The following LYST variants were observed in gnomAD, a reference collection of about 807,000 sequenced individuals.
LYST encodes the protein lysosomal-trafficking regulator.
Under a neutral mutation model 413.6 loss-of-function variants are expected in LYST, and 192 were observed. The ratio of observed to expected loss-of-function variants is 0.46; its 90% confidence interval spans 0.41 to 0.52. The LOEUF (loss-of-function observed/expected upper bound fraction) is 0.52. LYST is among the 20% of genes least tolerant of loss of function. The pLI is 0.00. For synonymous variants in LYST, 1,525 were observed against 1,567.3 expected (o/e 0.97, Z 0.64); for missense variants, 3,815 against 4,499.9 (o/e 0.85, Z 4.35).
intron 1 of LYST, among the ~76,000 whole-genome samples, chr1:235,857,965 A>G (rs1429494663): frequency 2.6e-5 from 4 of 152,240 alleles, no homozygotes; most frequent in African/African-American, 9.6e-5. Flanking sequence ...CATTATAGCT[A>G]TATTTATAGT....
chr1:235,824,200 C>T (rs1367590163), intron 3 of LYST, among the ~76,000 whole-genome samples: 1 of 152,092 alleles, frequency 6.6e-6, no homozygotes, highest in Non-Finnish European at 1.5e-5. Context: ...AATGTACAAC[C>T]CTCTTTGGTA....
intron 39 of LYST, among the ~76,000 whole-genome samples, chr1:235,722,075 T>C (rs1182515380): frequency 6.6e-6 from 1 of 152,100 alleles, no homozygotes. Context: ...AAGCAAATCA[T>C]TAGGATTTCT....
Position 235,806,733 on chromosome 1 carries a change from A to G in LYST, c.2403T>C (p.Ser801=). The G allele has an allele frequency of 6.2e-7, 1 of 1,613,264 alleles. No homozygotes were observed. The highest frequency in any genetic ancestry group is 8.5e-7 in the Non-Finnish European group (1 of 1,179,306). The change falls in exon 6 of 53, where the codon AGT becomes AGC. Residue 801 remains serine (S), a synonymous_variant. Transcript: ENST00000389793. ...TTAAGCAATTTAATTCGATTATTTGACTTACTCCATTACAACTCAAAAACA... is the reference window on the plus strand; with the variant it reads ...TTAAGCAATTTAATTCGATTATTTGGCTTACTCCATTACAACTCAAAAACA... ...RDLFLSCNGV[S]QIIELNCLNG...
In LYST at chr1:235,809,620, G is replaced by T; in HGVS notation, c.1198C>A (p.Leu400Ile). ...VFSKYRHRAL[L>I]LPELLEGVLQ... ...ACTCCTTCCAAAAGCTCAGGTAAAA[G>T]AAGGGCTCTATGACGATACTTTGAA... Residue 400 changes from leucine (L) to isoleucine (I), a missense_variant, in exon 5 of 53, where the codon CTT (leucine) becomes ATT (isoleucine). Physicochemically the swap from Leu to Ile is conservative, Grantham distance 5. Around this residue, in one of 4 missense-constraint regions of LYST, gnomAD observed 1,648 missense variants for 1,810.3 expected, o/e 0.91. Coordinates refer to ENST00000389793, the MANE Select transcript of LYST (RefSeq NM_000081.4). The surrounding 1 kb of genome is among the most constrained non-coding windows in gnomAD (Gnocchi z 4.0). The T allele has an allele frequency of 3.1e-6, 5 of 1,614,060 alleles. No individual in the cohort carries two copies. Among genetic ancestry groups the T allele is most frequent in the Non-Finnish European group, 4.2e-6 (5 of 1,179,958 alleles).
chr1:235,759,242 T>A lies in LYST; in HGVS notation c.6611A>T (p.His2204Leu). 1 of 1,614,156 alleles carries A rather than the reference T, an allele frequency of 6.2e-7. No homozygotes were observed. The highest frequency in any genetic ancestry group is 2.2e-5 in the East Asian group (1 of 44,884). ...CCTGGGTTCTGCTCCCAACTGTTTA[T>A]GATCTGCTTTGACCACTGGAAATCC... ...VLGFPVVKAD[H>L]KQLGAEPRSE... The change falls in exon 23 of 53, where the codon CAT (histidine) becomes CTT (leucine). Residue 2204 changes from histidine to leucine, a missense_variant. By Grantham distance (99) the His-to-Leu change is moderately conservative. Transcript: ENST00000389793.
In LYST at chr1:235,833,641, A is replaced by G; in HGVS notation, c.-71T>C. On this transcript the variant is annotated 5_prime_UTR_variant, in exon 2 of 53. Coordinates refer to ENST00000389793, the MANE Select transcript of LYST (RefSeq NM_000081.4). ...CATTTGGACTCATAAACTAGATGAA[A>G]CAAATATTCTTAGAACAAAGCTTCA... 1.1e-6 allele frequency: 1 copy of G among 938,386 alleles called. No homozygotes were observed. Among genetic ancestry groups the G allele is most frequent in the Non-Finnish European group, 1.3e-6 (1 of 786,968 alleles). 58.1% of individuals were successfully genotyped at this position (938,386 alleles called of 1,614,324 possible).
chr1:235,863,340 C>A (rs916731791), intron 1 of LYST, among the ~76,000 whole-genome samples: 1 of 151,810 alleles, frequency 6.6e-6, no homozygotes, highest in African/African-American at 2.4e-5. Context: ...TGCAGTGAAC[C>A]AAGATCTCGC....
chr1:235,662,821 A>T lies in LYST; in HGVS notation c.*119T>A, dbSNP rs1203254992. On this transcript the variant is annotated 3_prime_UTR_variant, in exon 53 of 53. Coordinates refer to ENST00000389793, the MANE Select transcript of LYST (RefSeq NM_000081.4). ...TTTGTGCAGATGAATAGACTTTATCATTATTTGGATGGTTTGTCCAGTCAT... is the reference window on the plus strand; with the variant it reads ...TTTGTGCAGATGAATAGACTTTATCTTTATTTGGATGGTTTGTCCAGTCAT... 1.3e-6 allele frequency: 1 copy of T among 774,576 alleles called. No homozygotes were observed. The highest frequency in any genetic ancestry group is 1.7e-5 in the African/African-American group (1 of 59,150). 48.0% of individuals were successfully genotyped at this position (774,576 alleles called of 1,614,324 possible).
chr1:235,823,537 A>C (rs1445404334), intron 3 of LYST, among the ~76,000 whole-genome samples: 3 of 152,228 alleles, frequency 2.0e-5, no homozygotes. Context: ...TTCAGAATAA[A>C]ATTAAGACTT....
chr1:235,833,526 C>G, intron 2 of LYST, 52 bp downstream of exon 2: 1 of 355,516 alleles, frequency 2.8e-6, no homozygotes, highest in Non-Finnish European at 3.9e-6. Context: ...TATGTAGTTT[C>G]AAGCCTTCAA....
intron 3 of LYST, among the ~76,000 whole-genome samples, chr1:235,824,337 A>G (rs560490637): frequency 6.6e-6 from 1 of 152,374 alleles, no homozygotes; most frequent in South Asian, 2.1e-4. Flanking sequence ...GTTCATGTAT[A>G]CTAGTCCAAT....
At chr1:235,670,608 T>A (rs1658858352) in intron 50 of LYST, among the ~76,000 whole-genome samples, 1 of 152,144 alleles carries the variant, frequency 6.6e-6, no homozygotes, top group Non-Finnish European at 1.5e-5. Flanking sequence ...GGAAAAGGCC[T>A]ACAGATGCCA....
intron 1 of LYST, among the ~76,000 whole-genome samples, chr1:235,848,157 A>G (rs893919552): frequency 6.6e-6 from 1 of 152,204 alleles, no homozygotes; most frequent in African/African-American, 2.4e-5. Flanking sequence ...AATAGATTTA[A>G]GAAAACTGAA....
Position 235,712,152 on chromosome 1 carries a change from G to C in LYST, c.9830C>G (p.Thr3277Arg). ...IPDRTFHSTNTTWRLSSFESM... is the reference protein window; with the variant it reads ...IPDRTFHSTNRTWRLSSFESM... ...TTCAAAAGATGAGAGTCGCCAAGTT[G>C]TATTTGTAGAATGAAAAGTTCTGTC... Residue 3277 changes from threonine (T) to arginine (R), a missense_variant, in exon 43 of 53, where the codon ACA becomes AGA. Thr to Arg is a moderately conservative substitution (Grantham distance 71). Transcript: ENST00000389793. 1 of 1,583,164 alleles carries C rather than the reference G, an allele frequency of 6.3e-7. No individual in the cohort carries two copies. The highest frequency in any genetic ancestry group is 8.6e-7 in the Non-Finnish European group (1 of 1,160,362).
chr1:235,749,029 T>A (rs1470323719), intron 28 of LYST, among the ~76,000 whole-genome samples: 1 of 152,202 alleles, frequency 6.6e-6, no homozygotes, highest in Non-Finnish European at 1.5e-5. Flanking sequence ...CACCTAAACA[T>A]TTATCAGTAA....
intron 16 of LYST, 109 bp from the exon 17 acceptor site, chr1:235,777,417 T>A: frequency 3.1e-6 from 3 of 953,232 alleles, no homozygotes; most frequent in Non-Finnish European, 4.9e-6. Context: ...ATCCTTTTCT[T>A]TGTTTAAAAA....
At position 235,801,063 on chromosome 1, in the gene LYST, A is replaced by G. The variant is rs747587024; in HGVS notation, c.3747T>C (p.Ser1249=). The G allele has an allele frequency of 1.2e-6, 2 of 1,612,686 alleles. No homozygotes were observed. The highest frequency in any genetic ancestry group is 2.2e-5 in the South Asian group (2 of 91,064). ...VDLKSETEGF[S]ASSSPNDLLE... ...GTAAGTCATTTGGACTGCTTGATGC[A>G]CTGAAACCTTCTGTTTCAGACTTTA... Residue 1249 remains serine (S), a synonymous_variant, in exon 9 of 53, where the codon AGT becomes AGC. Transcript: ENST00000389793.
chr1:235,697,334 T>A, intron 45 of LYST, 62 bp from the exon 46 acceptor site: 1 of 1,204,618 alleles, frequency 8.3e-7, no homozygotes, highest in Non-Finnish European at 1.2e-6. Context: ...GAATTACTTC[T>A]AATTTAAGCT....
intron 16 of LYST, among the ~76,000 whole-genome samples, chr1:235,778,941 T>C (rs1332288751): frequency 6.6e-6 from 1 of 151,640 alleles, no homozygotes; most frequent in Non-Finnish European, 1.5e-5. Flanking sequence ...TTCTCGGCTC[T>C]CTGCAATCTC....
Sources: allele counts gnomAD v4.1 joint callset (sites outside exome capture counted in the v4.1 genomes callset), GRCh38; gene constraint gnomAD v4.1.1; regional missense constraint gnomAD v4.1.1; non-coding constraint Gnocchi (gnomAD v3.1); transcripts MANE v1.5; gene names NCBI Gene and HGNC (gene_info 2026-07-23, HGNC 2026-07-21).